The following OR2AG1 variants were observed in gnomAD, a reference collection of about 807,000 sequenced individuals.
The protein encoded by OR2AG1 is olfactory receptor 2AG1.
For synonymous variants in OR2AG1, 157 were observed against 155.6 expected (o/e 1.01, Z -0.07); for missense variants, 391 against 385.9 (o/e 1.01, Z -0.11).
intron 1 of OR2AG1, among the ~76,000 whole-genome samples, chr11:6,783,969 G>A (rs1261084016): frequency 6.6e-6 from 1 of 152,208 alleles, no homozygotes; most frequent in East Asian, 1.9e-4. Flanking sequence ...TTAACTGCAT[G>A]TTCACAGTTG....
At position 6,785,576 on chromosome 11, in the gene OR2AG1, A is replaced by G; in HGVS notation, c.539A>G (p.Glu180Gly). Residue 180 changes from glutamate to glycine, a missense_variant, in exon 2 of 2, where the codon GAG becomes GGG. Physicochemically the swap from Glu to Gly is moderately conservative, Grantham distance 98. Transcript: ENST00000641258. ...CAGGAGATCAGGCATCTTCTCTGTG[A>G]GATCCCACACTTGCTGAAGGTGGCC... is the stretch of plus-strand genomic sequence containing the variant. ...RAQEIRHLLC[E>G]IPHLLKVACA... 1.2e-6 allele frequency: 2 copies of G among 1,614,120 alleles called. No homozygotes were observed. The highest frequency in any genetic ancestry group is 1.7e-6 in the Non-Finnish European group (2 of 1,180,008).
rs1367772235 is a variant in OR2AG1 at position 6,789,313 on chromosome 11, T to G, written c.*3325T>G. 1 of 152,216 alleles carries G rather than the reference T, an allele frequency of 6.6e-6. No individual in the cohort carries two copies. Among genetic ancestry groups the G allele is most frequent in the Non-Finnish European group, 1.5e-5 (1 of 68,032 alleles). 9.4% of individuals were successfully genotyped at this position (152,216 alleles called of 1,614,324 possible). On this transcript the variant is annotated 3_prime_UTR_variant, in exon 2 of 2. Transcript: ENST00000641258. ...TGCTTCTTTAATCCCTAACCTTTTT[T>G]GCCTTATTGGATTCGTTTTTCTTTC...
chr11:6,783,589 T>G (rs1271502167), intron 1 of OR2AG1, 118 bp downstream of exon 1: 1 of 152,194 alleles, frequency 6.6e-6, no homozygotes, highest in Non-Finnish European at 1.5e-5. Flanking sequence ...GATTCCCTAG[T>G]ATAATGTTTG....
At position 6,789,070 on chromosome 11, in the gene OR2AG1, T is replaced by C. The variant is rs1437465914; in HGVS notation, c.*3082T>C. 1 of 151,848 alleles carries C rather than the reference T, an allele frequency of 6.6e-6. No homozygotes were observed. The highest frequency in any genetic ancestry group is 2.4e-5 in the African/African-American group (1 of 41,406). The allele number at this position is 151,848 out of a possible 1,614,324, so 9.4% of individuals were successfully genotyped here. ...GAACACTTATGCCCATTTTCTCCTC[T>C]GCTGATCTTCTATTCGCATCTTAAC... On this transcript the variant is annotated 3_prime_UTR_variant, in exon 2 of 2. Transcript: ENST00000641258.
At position 6,786,242 on chromosome 11, in the gene OR2AG1, A is replaced by G. The variant is rs1324753658; in HGVS notation, c.*254A>G. Reference sequence around the variant, plus strand: ...TTAATCTTTATTTTCCCAGGAAGGTATTTAGTTAAATGGGTTCCCACCTTG... The same window carrying G: ...TTAATCTTTATTTTCCCAGGAAGGTGTTTAGTTAAATGGGTTCCCACCTTG... On this transcript the variant is annotated 3_prime_UTR_variant, in exon 2 of 2. Transcript: ENST00000641258. 3 of 373,238 alleles carry G rather than the reference A, an allele frequency of 8.0e-6. No individual in the cohort carries two copies. Among genetic ancestry groups the G allele is most frequent in the Non-Finnish European group, 1.4e-5 (3 of 209,562 alleles). 23.1% of individuals were successfully genotyped at this position (373,238 alleles called of 1,614,324 possible). A position where few individuals can be genotyped will look rare whatever the true frequency, so the allele number is the denominator to read the frequency against.
rs1317360496 is a variant in OR2AG1 at position 6,790,785 on chromosome 11, A to C, written c.*4797A>C. 6 of 152,238 alleles carry C rather than the reference A, an allele frequency of 3.9e-5. No homozygotes were observed. Among genetic ancestry groups the C allele is most frequent in the African/African-American group, 1.2e-4 (5 of 41,454 alleles). 9.4% of individuals were successfully genotyped at this position (152,238 alleles called of 1,614,324 possible). On this transcript the variant is annotated 3_prime_UTR_variant, in exon 2 of 2. Coordinates refer to ENST00000641258, the MANE Select transcript of OR2AG1 (RefSeq NM_001004489.3). Reference sequence around the variant, plus strand: ...TTCAGCCTAGAACAGGAAGGAACGCAGAGTAATGACAGCAAACAGTGAAGC... The same window carrying C: ...TTCAGCCTAGAACAGGAAGGAACGCCGAGTAATGACAGCAAACAGTGAAGC...
Position 6,785,535 on chromosome 11 carries a change from T to C in OR2AG1, c.498T>C (p.Tyr166=). The change falls in exon 2 of 2, where the codon TAT becomes TAC. Residue 166 remains tyrosine, a synonymous_variant. Coordinates refer to ENST00000641258, the MANE Select transcript of OR2AG1 (RefSeq NM_001004489.3). ...TATATACCGTGTATACCATGCACTA[T>C]CCCTTCTGCAGGGCCCAGGAGATCA... The part of the protein sequence containing the change: ...ALIYTVYTMH[Y]PFCRAQEIRH... The C allele has an allele frequency of 6.2e-7, 1 of 1,614,142 alleles. No homozygotes were observed. The highest frequency in any genetic ancestry group is 1.3e-5 in the African/African-American group (1 of 75,038).
intron 1 of OR2AG1, among the ~76,000 whole-genome samples, chr11:6,783,812 A>C (rs1254859522): frequency 6.6e-6 from 1 of 152,238 alleles, no homozygotes; most frequent in African/African-American, 2.4e-5. Flanking sequence ...CTAAAAAGTG[A>C]TGATATGTCC....
At position 6,785,144 on chromosome 11, in the gene OR2AG1, T is replaced by A; in HGVS notation, c.107T>A (p.Leu36Ter). Residue 36 changes from leucine to a stop codon, truncating the protein, a stop_gained, in exon 2 of 2, where the codon TTG becomes TAG. Transcript: ENST00000641258. LOFTEE classifies it low-confidence loss of function (END_TRUNC). ...LLCATITILY[L>*]LALISNGLLL... is the part of the protein sequence containing the mutation. ...TGTGCTACAATTACAATCCTATACT[T>A]GTTGGCCCTGATCAGCAATGGCCTA... The A allele has an allele frequency of 6.2e-7, 1 of 1,614,138 alleles. No homozygotes were observed. The highest frequency in any genetic ancestry group is 2.2e-5 in the East Asian group (1 of 44,882).
rs1320401375 is a variant in OR2AG1 at position 6,790,002 on chromosome 11, G to A, written c.*4014G>A. ...ACAAAATATTGGAAACAACCTAAGA[G>A]TCTATCAACAGACCAATGGATAAAG... On this transcript the variant is annotated 3_prime_UTR_variant, in exon 2 of 2. Transcript: ENST00000641258. 2.6e-5 allele frequency: 4 copies of A among 152,120 alleles called. No individual in the cohort carries two copies. The highest frequency in any genetic ancestry group is 5.9e-5 in the Non-Finnish European group (4 of 68,024). 9.4% of individuals were successfully genotyped at this position (152,120 alleles called of 1,614,324 possible). A position where few individuals can be genotyped will look rare whatever the true frequency, so the allele number is the denominator to read the frequency against.
At position 6,785,555 on chromosome 11, in the gene OR2AG1, A is replaced by C; in HGVS notation, c.518A>C (p.Glu173Ala). The C allele has an allele frequency of 6.2e-7, 1 of 1,614,152 alleles. No individual in the cohort carries two copies. Among genetic ancestry groups the C allele is most frequent in the Non-Finnish European group, 8.5e-7 (1 of 1,180,028 alleles). Residue 173 changes from glutamate (E) to alanine (A), a missense_variant, in exon 2 of 2, where the codon GAG (glutamate) becomes GCG (alanine). Glu to Ala is a moderately radical substitution (Grantham distance 107). Coordinates refer to ENST00000641258, the MANE Select transcript of OR2AG1 (RefSeq NM_001004489.3). ...CACTATCCCTTCTGCAGGGCCCAGG[A>C]GATCAGGCATCTTCTCTGTGAGATC... The part of the protein sequence containing the change: ...TMHYPFCRAQ[E>A]IRHLLCEIPH...
At position 6,789,048 on chromosome 11, in the gene OR2AG1, C is replaced by T. The variant is rs1847657771; in HGVS notation, c.*3060C>T. The T allele has an allele frequency of 6.7e-6, 1 of 150,292 alleles. No individual in the cohort carries two copies. Among genetic ancestry groups the T allele is most frequent in the Admixed American group, 6.6e-5 (1 of 15,134 alleles). 9.3% of individuals were successfully genotyped at this position (150,292 alleles called of 1,614,324 possible). The stretch of plus-strand genomic sequence containing the variant: ...GGAAAAAAAAAAAATACAAAGGGAA[C>T]ACTTATGCCCATTTTCTCCTCTGCT... On this transcript the variant is annotated 3_prime_UTR_variant, in exon 2 of 2. Transcript: ENST00000641258.
At position 6,790,148 on chromosome 11, in the gene OR2AG1, C is replaced by G. The variant is rs545939127; in HGVS notation, c.*4160C>G. 6.6e-6 allele frequency: 1 copy of G among 152,304 alleles called. No homozygotes were observed. The highest frequency in any genetic ancestry group is 2.4e-5 in the African/African-American group (1 of 41,574). The allele number at this position is 152,304 out of a possible 1,614,324, so 9.4% of individuals were successfully genotyped here. On this transcript the variant is annotated 3_prime_UTR_variant, in exon 2 of 2. Coordinates refer to ENST00000641258, the MANE Select transcript of OR2AG1 (RefSeq NM_001004489.3). ...TATGCTATGTGGAATAAGCCCAACA[C>G]AGAAATACAAATGCTGTCTAATTTT...
In OR2AG1 at chr11:6,787,790, C is replaced by G. The variant is rs1468919862; in HGVS notation, c.*1802C>G. The G allele has an allele frequency of 1.3e-5, 2 of 151,562 alleles. No homozygotes were observed. The highest frequency in any genetic ancestry group is 2.9e-5 in the Non-Finnish European group (2 of 67,918). The allele number at this position is 151,562 out of a possible 1,614,324, so 9.4% of individuals were successfully genotyped here. A position where few individuals can be genotyped will look rare whatever the true frequency, so the allele number is the denominator to read the frequency against. Reference sequence around the variant, plus strand: ...ATTCCTATGAGTGAAATTACTCGAACCAAGGTTAAAAATCTGTTTAATACT... The same window carrying G: ...ATTCCTATGAGTGAAATTACTCGAAGCAAGGTTAAAAATCTGTTTAATACT... On this transcript the variant is annotated 3_prime_UTR_variant, in exon 2 of 2. Coordinates refer to ENST00000641258, the MANE Select transcript of OR2AG1 (RefSeq NM_001004489.3).
chr11:6,785,902 A>T lies in OR2AG1; in HGVS notation c.865A>T (p.Ile289Phe). 1 of 1,614,098 alleles carries T rather than the reference A, an allele frequency of 6.2e-7. No individual in the cohort carries two copies. Among genetic ancestry groups the T allele is most frequent in the East Asian group, 2.2e-5 (1 of 44,876 alleles). The change falls in exon 2 of 2, where the codon ATC becomes TTC. Residue 289 changes from isoleucine to phenylalanine, a missense_variant. Physicochemically the swap from Ile to Phe is conservative, Grantham distance 21. Coordinates refer to ENST00000641258, the MANE Select transcript of OR2AG1 (RefSeq NM_001004489.3). ...TIVTPALNPL[I>F]YSLRNKEVMR... ...TGTCACTCCAGCCCTGAATCCACTCATCTACAGCCTGAGGAATAAGGAGGT... is the reference window on the plus strand; with the variant it reads ...TGTCACTCCAGCCCTGAATCCACTCTTCTACAGCCTGAGGAATAAGGAGGT...
Position 6,788,832 on chromosome 11 carries a change from G to A in OR2AG1, c.*2844G>A, listed in dbSNP as rs12274350. 5 of 151,728 alleles carry A rather than the reference G, an allele frequency of 3.3e-5. No homozygotes were observed. The East Asian group carries it at 7.7e-4, about 24-fold the overall frequency. The allele number at this position is 151,728 out of a possible 1,614,324, so 9.4% of individuals were successfully genotyped here. A position where few individuals can be genotyped will look rare whatever the true frequency, so the allele number is the denominator to read the frequency against. On this transcript the variant is annotated 3_prime_UTR_variant, in exon 2 of 2. Transcript: ENST00000641258. Reference sequence around the variant, plus strand: ...TCCCTCATTATAACTGCTTGAACCCGGGAGGCAGAGACTGCAGTGAGCCGA... The same window carrying A: ...TCCCTCATTATAACTGCTTGAACCCAGGAGGCAGAGACTGCAGTGAGCCGA...
At position 6,785,188 on chromosome 11, in the gene OR2AG1, A is replaced by G. The variant is rs1330598911; in HGVS notation, c.151A>G (p.Met51Val). ...SNGLLLLAITMEARLHMPMYL... is the reference protein window; with the variant it reads ...SNGLLLLAITVEARLHMPMYL... ...TGGCCTACTGCTCCTGGCTATCACC[A>G]TGGAAGCCCGGCTCCACATGCCCAT... Residue 51 changes from methionine to valine, a missense_variant, in exon 2 of 2, where the codon ATG becomes GTG. Met to Val is a conservative substitution (Grantham distance 21, BLOSUM62 1). Transcript: ENST00000641258. The G allele has an allele frequency of 3.1e-6, 5 of 1,614,030 alleles. No homozygotes were observed. Among genetic ancestry groups the G allele is most frequent in the Non-Finnish European group, 4.2e-6 (5 of 1,180,018 alleles).
chr11:6,786,115 T>G lies in OR2AG1; in HGVS notation c.*127T>G. 2.9e-6 allele frequency: 2 copies of G among 691,500 alleles called. No homozygotes were observed. The highest frequency in any genetic ancestry group is 4.7e-6 in the Non-Finnish European group (2 of 423,838). 42.8% of individuals were successfully genotyped at this position (691,500 alleles called of 1,614,324 possible). A position where few individuals can be genotyped will look rare whatever the true frequency, so the allele number is the denominator to read the frequency against. ...AGCATTTAATAGAAAAGTGAAGGAA[T>G]GTAACTGGATTTGTCAAATGCTCTT... On this transcript the variant is annotated 3_prime_UTR_variant, in exon 2 of 2. Transcript: ENST00000641258.
rs1847625260 is a variant in OR2AG1, at chr11:6,786,160, G to A, written c.*172G>A. 1.8e-6 allele frequency: 1 copy of A among 568,582 alleles called. No homozygotes were observed. The highest frequency in any genetic ancestry group is 3.1e-6 in the Non-Finnish European group (1 of 326,490). The allele number at this position is 568,582 out of a possible 1,614,324, so 35.2% of individuals were successfully genotyped here. ...GCTCTTTAAATCTTCTCTCCATGAA[G>A]TAATTTATAGGGCATGATTTACACT... On this transcript the variant is annotated 3_prime_UTR_variant, in exon 2 of 2. Coordinates refer to ENST00000641258, the MANE Select transcript of OR2AG1 (RefSeq NM_001004489.3).
Sources: allele counts gnomAD v4.1 joint callset (sites outside exome capture counted in the v4.1 genomes callset), GRCh38; gene constraint gnomAD v4.1.1; transcripts MANE v1.5; gene names NCBI Gene and HGNC (gene_info 2026-07-23, HGNC 2026-07-21).